C9orf85: variants seen among roughly 807,000 people sequenced by gnomAD.
The protein encoded by C9orf85 is chromosome 9 open reading frame 85.
Under a neutral mutation model 14.9 loss-of-function variants are expected in C9orf85, and 16 were observed. The ratio of observed to expected loss-of-function variants is 1.08; its 90% CI spans 0.73 to 1.63. C9orf85 has a LOEUF of 1.63. Ranked by LOEUF, C9orf85 falls within the 40% of genes most tolerant of loss-of-function variation. The probability of loss-of-function intolerance (pLI) is 0.00; values close to 1 mark genes in which losing one functional copy is unlikely to be tolerated. For missense variants in C9orf85, 172 were observed against 186.1 expected, an observed-to-expected ratio of 0.92 and a Z score of 0.44; for synonymous variants, 45 against 56.8, an observed-to-expected ratio of 0.79 and a Z score of 0.93.
At chr9:71,940,228 T>A (rs1214176836) in intron 1 of C9orf85, among the ~76,000 whole-genome samples, 2 of 148,158 alleles carry the variant, frequency 1.3e-5, no homozygotes, top group East Asian at 2.0e-4. Context: ...ATGAACAATT[T>A]AAAAAAAAAA....
chr9:71,957,750 C>T (rs1589265150), intron 2 of C9orf85, among the ~76,000 whole-genome samples: 1 of 152,100 alleles, frequency 6.6e-6, no homozygotes, highest in Admixed American at 6.6e-5. Context: ...CTCATAAACA[C>T]GGTAAAGATC....
intron 2 of C9orf85, among the ~76,000 whole-genome samples, chr9:71,953,953 A>AG (rs1262083132): frequency 6.6e-5 from 10 of 152,058 alleles, no homozygotes; most frequent in Non-Finnish European, 1.3e-4. Context: ...TTTAAAAATT[A>AG]GCCAGGCATG....
intron 2 of C9orf85, among the ~76,000 whole-genome samples, chr9:71,959,456 C>G (rs1274021963): frequency 6.6e-6 from 1 of 152,118 alleles, no homozygotes; most frequent in African/African-American, 2.4e-5. Flanking sequence ...ATTTTCAAAC[C>G]TCTGTCACAT....
intron 1 of C9orf85, among the ~76,000 whole-genome samples, chr9:71,935,268 C>A (rs1372853027): frequency 6.6e-6 from 1 of 152,000 alleles, no homozygotes; most frequent in East Asian, 1.9e-4. Context: ...TGGGTATATC[C>A]CCAAAAGAAT....
At chr9:71,959,511 T>C (rs1822461589) in intron 2 of C9orf85, among the ~76,000 whole-genome samples, 1 of 152,202 alleles carries the variant, frequency 6.6e-6, no homozygotes, top group African/African-American at 2.4e-5. Flanking sequence ...CAAGAACAGA[T>C]AAGGAGGTAG....
chr9:71,912,649 A>C (rs1589240364), intron 1 of C9orf85, among the ~76,000 whole-genome samples: 1 of 151,906 alleles, frequency 6.6e-6, no homozygotes, highest in East Asian at 1.9e-4. Flanking sequence ...TGGGAGGCCG[A>C]GGTGGTGGGC....
downstream of C9orf85, among the ~76,000 whole-genome samples, chr9:71,976,538 T>A (rs1019478610): frequency 6.6e-6 from 1 of 151,798 alleles, no homozygotes; most frequent in African/African-American, 2.4e-5. Flanking sequence ...GGCGGGCGCC[T>A]GTAGTCCCAG....
At chr9:71,921,080 C>T (rs1390476831) in intron 1 of C9orf85, among the ~76,000 whole-genome samples, 2 of 152,104 alleles carry the variant, frequency 1.3e-5, no homozygotes, top group African/African-American at 4.8e-5. Context: ...TAGTAAGATA[C>T]CAACTTCCAA....
downstream of C9orf85, chr9:71,973,467 C>T (rs1822943654): frequency 6.6e-6 from 1 of 152,042 alleles, no homozygotes; most frequent in African/African-American, 2.4e-5. Context: ...AGCCCTGTCG[C>T]TTATGTTTAA....
At chr9:71,943,331 T>C (rs141206935) in intron 1 of C9orf85, among the ~76,000 whole-genome samples, 232 of 152,266 alleles carry the variant, frequency 1.5e-3, no homozygotes, top group Non-Finnish European at 2.7e-3. Context: ...GAAAGAATTA[T>C]GTACAAAAAA....
chr9:71,963,767 G>T lies in C9orf85; in HGVS notation c.210-7738G>T, dbSNP rs144859669. Among the ~76,000 whole-genome samples, 962 of 152,322 alleles carry T rather than the reference G, an allele frequency of 6.3e-3. 10 individuals are homozygous for T. The highest frequency in any genetic ancestry group is 0.022 in the African/African-American group (905 of 41,574). On this transcript the variant is annotated intron_variant, in intron 2 of 3. Coordinates refer to ENST00000334731, the MANE Select transcript of C9orf85 (RefSeq NM_182505.5). ...CTTGATTTCTCCCCGGGCCTTAGCTGCCTTCCTGCGGGGCAGAGCTCGGGA... is the reference window on the plus strand; with the variant it reads ...CTTGATTTCTCCCCGGGCCTTAGCTTCCTTCCTGCGGGGCAGAGCTCGGGA...
At chr9:71,956,332 C>G (rs1822381689) in intron 2 of C9orf85, among the ~76,000 whole-genome samples, 1 of 147,878 alleles carries the variant, frequency 6.8e-6, no homozygotes, top group Non-Finnish European at 1.5e-5. Context: ...TCGCCACAAC[C>G]TCCACCTCCC....
At chr9:71,952,214 A>G (rs1316202932) in intron 2 of C9orf85, among the ~76,000 whole-genome samples, 1 of 152,152 alleles carries the variant, frequency 6.6e-6, no homozygotes, top group East Asian at 1.9e-4. Flanking sequence ...TGTATTATTC[A>G]ATTCAAAAAG....
At chr9:71,931,899 C>T (rs996544379) in intron 1 of C9orf85, among the ~76,000 whole-genome samples, 6 of 152,150 alleles carry the variant, frequency 3.9e-5, no homozygotes, top group African/African-American at 1.2e-4. Flanking sequence ...ACACATTTCT[C>T]TAGAAATGTC....
intron 2 of C9orf85, among the ~76,000 whole-genome samples, chr9:71,951,297 C>T (rs561999410): frequency 6.6e-6 from 1 of 152,180 alleles, no homozygotes; most frequent in South Asian, 2.1e-4. Context: ...AGGATGATGG[C>T]TATGAAAGAT....
At chr9:71,944,245 A>AAAAAG (rs1564090912) in intron 1 of C9orf85, among the ~76,000 whole-genome samples, 2 of 150,448 alleles carry the variant, frequency 1.3e-5, no homozygotes, top group Non-Finnish European at 3.0e-5. Context: ...AAAAAAAAAA[A>AAAAAG]AAGTTGTAGG....
At chr9:71,923,264 C>G (rs1827857724) in intron 1 of C9orf85, among the ~76,000 whole-genome samples, 1 of 152,052 alleles carries the variant, frequency 6.6e-6, no homozygotes, top group Non-Finnish European at 1.5e-5. Flanking sequence ...CCCTGCTTTT[C>G]TATTTTATTT....
chr9:71,979,731 T>C (rs1231851111), intron 3 of C9orf85, among the ~76,000 whole-genome samples: 1 of 152,200 alleles, frequency 6.6e-6, no homozygotes, highest in African/African-American at 2.4e-5. Flanking sequence ...GTCAAAACTA[T>C]AACTATTGCT....
chr9:71,913,667 C>T (rs1358743478), intron 1 of C9orf85, among the ~76,000 whole-genome samples: 1 of 152,156 alleles, frequency 6.6e-6, no homozygotes, highest in African/African-American at 2.4e-5. Flanking sequence ...TATTCTTACC[C>T]TAAGGTTGTG....
Sources: gnomAD v4.1 joint callset for allele counts (sites outside exome capture counted in the v4.1 genomes callset) on GRCh38, gnomAD v4.1.1 for gene constraint, MANE v1.5 for transcripts, NCBI Gene and HGNC (gene_info 2026-07-23, HGNC 2026-07-21) for gene names.